The following COLGALT2 variants were observed in gnomAD, a reference collection of about 807,000 sequenced individuals.
COLGALT2 encodes collagen beta(1-O)galactosyltransferase 2.
COLGALT2 carries 49 observed loss-of-function variants against 73.4 expected under a neutral mutation model. The observed-to-expected ratio is 0.67, with a 90% CI of 0.53 to 0.85. The LOEUF is 0.85. Among genes scored for constraint, COLGALT2 ranks in the 40% least tolerant of loss-of-function variants. The pLI, the probability that COLGALT2 is intolerant of heterozygous loss-of-function variation, is 0.00. For missense variants in COLGALT2, 722 were observed against 790.2 expected, an observed-to-expected ratio of 0.91 and a Z score of 1.03; for synonymous variants, 295 against 307.6, an observed-to-expected ratio of 0.96 and a Z score of 0.43.
chr1:184,023,742 G>C (rs1418622451), intron 1 of COLGALT2, among the ~76,000 whole-genome samples: 1 of 151,722 alleles, frequency 6.6e-6, no homozygotes. Context: ...CCTGCAACAC[G>C]TACACTTATG....
intron 3 of COLGALT2, 120 bp downstream of exon 3, chr1:183,974,977 G>T: frequency 4.5e-6 from 3 of 668,640 alleles, no homozygotes; most frequent in South Asian, 2.2e-5. Flanking sequence ...TTAAAAAGTG[G>T]GGGAGGCACT....
intron 1 of COLGALT2, among the ~76,000 whole-genome samples, chr1:184,003,850 C>T (rs1398658489): frequency 6.6e-6 from 1 of 152,154 alleles, no homozygotes; most frequent in Non-Finnish European, 1.5e-5. Context: ...GGTCTGCCGG[C>T]TTCCACTAGT....
chr1:183,977,877 A>C (rs569919081), intron 2 of COLGALT2, among the ~76,000 whole-genome samples: 1 of 152,110 alleles, frequency 6.6e-6, no homozygotes, highest in Admixed American at 6.5e-5. Flanking sequence ...AAAGAAAAGA[A>C]GGAAAAGAAA....
intron 1 of COLGALT2, among the ~76,000 whole-genome samples, chr1:183,984,566 A>T (rs958768013): frequency 6.6e-6 from 1 of 152,064 alleles, no homozygotes; most frequent in Non-Finnish European, 1.5e-5. Flanking sequence ...CTTTTAGGGG[A>T]GCTGTGGCCC....
At chr1:184,007,806 C>T (rs777669328) in intron 1 of COLGALT2, among the ~76,000 whole-genome samples, 2 of 152,186 alleles carry the variant, frequency 1.3e-5, no homozygotes, top group African/African-American at 4.8e-5. Flanking sequence ...CTCTACCCTA[C>T]TGTTTTTCTT....
intron 5 of COLGALT2, among the ~76,000 whole-genome samples, chr1:183,966,270 G>T (rs1028252566): frequency 6.6e-6 from 1 of 152,198 alleles, no homozygotes; most frequent in African/African-American, 2.4e-5. Context: ...AGTGAATGCT[G>T]CTTCTGGGGA....
intron 8 of COLGALT2, among the ~76,000 whole-genome samples, chr1:183,946,967 C>T (rs1558310450): frequency 6.6e-6 from 1 of 152,152 alleles, no homozygotes; most frequent in South Asian, 2.1e-4. Context: ...GGAGCTGGAG[C>T]TTGCAGTGAG....
Position 184,037,164 on chromosome 1 carries a change from G to A in COLGALT2, c.194C>T (p.Ala65Val), listed in dbSNP as rs747085306. 6.9e-6 allele frequency: 11 copies of A among 1,603,286 alleles called. No homozygotes were observed. The South Asian group carries it at 1.2e-4, about 18-fold the overall frequency. Residue 65 changes from alanine (A) to valine (V), a missense_variant, in exon 1 of 12, where the codon GCG becomes GTG. Physicochemically the swap from Ala to Val is moderately conservative, Grantham distance 64. Coordinates refer to ENST00000361927, the MANE Select transcript of COLGALT2 (RefSeq NM_015101.4). ...VLVAVLARNA[A>V]HTLPHFLGCL... Reference sequence around the variant, plus strand: ...GCCGAGGAAGTGCGGCAGCGTGTGCGCCGCGTTGCGGGCGAGGACCGCCAC... The same window carrying A: ...GCCGAGGAAGTGCGGCAGCGTGTGCACCGCGTTGCGGGCGAGGACCGCCAC...
chr1:183,954,907 A>C lies in COLGALT2; in HGVS notation c.953-69T>G. On this transcript the variant is annotated intron_variant, in intron 6 of 11. Transcript: ENST00000361927. The stretch of plus-strand genomic sequence containing the variant: ...GGTCAGAAATCAGAATTCCATCCGC[A>C]TGCCTGATCTCTAGGGTTGGAATAT... The C allele has an allele frequency of 1.1e-5, 13 of 1,174,350 alleles. No individual in the cohort carries two copies. In the South Asian group the frequency reaches 1.5e-4, roughly 13 times the overall value. 72.7% of individuals were successfully genotyped at this position (1,174,350 alleles called of 1,614,324 possible).
intron 8 of COLGALT2, chr1:183,945,854 T>C (rs1189855725): frequency 1.1e-5 from 4 of 371,278 alleles, no homozygotes; most frequent in Non-Finnish European, 1.5e-5. Context: ...CTATGGAAAT[T>C]AGTTAAAGTA....
intron 1 of COLGALT2, among the ~76,000 whole-genome samples, chr1:183,991,101 G>A (rs545396543): frequency 1.8e-4 from 27 of 152,244 alleles, no homozygotes; most frequent in Non-Finnish European, 3.4e-4. Flanking sequence ...GGTTTTCTGC[G>A]AAAGGTGTGA....
In COLGALT2 at chr1:183,936,817, T is replaced by C. The variant is rs1260578068; in HGVS notation, c.*1944A>G. 1 of 1,231,692 alleles carries C rather than the reference T, an allele frequency of 8.1e-7. No individual in the cohort carries two copies. Among genetic ancestry groups the C allele is most frequent in the Non-Finnish European group, 1.0e-6 (1 of 987,964 alleles). The allele number at this position is 1,231,692 out of a possible 1,614,324, so 76.3% of individuals were successfully genotyped here. A position where few individuals can be genotyped will look rare whatever the true frequency, so the allele number is the denominator to read the frequency against. On this transcript the variant is annotated 3_prime_UTR_variant, in exon 12 of 12. Transcript: ENST00000361927. ...ACAATTTAGAGTTGGGTGAGTTCCC[T>C]TTCCTCCAGCGGCCTAGCTTGCTGG... is the stretch of plus-strand genomic sequence containing the variant.
chr1:183,976,760 G>A (rs553663211), intron 2 of COLGALT2, among the ~76,000 whole-genome samples: 2 of 152,192 alleles, frequency 1.3e-5, no homozygotes, highest in South Asian at 4.1e-4. Context: ...ATTGCATAGG[G>A]GGAAAATGTT....
intron 1 of COLGALT2, among the ~76,000 whole-genome samples, chr1:184,027,279 T>C (rs1458670164): frequency 6.6e-6 from 1 of 152,210 alleles, no homozygotes; most frequent in African/African-American, 2.4e-5. Flanking sequence ...GAAAATCCCA[T>C]GATCTGTACT....
rs1670183132 is a variant in COLGALT2, at chr1:183,944,024, C to T, written c.1397+172G>A. On this transcript the variant is annotated intron_variant, in intron 10 of 11. Coordinates refer to ENST00000361927, the MANE Select transcript of COLGALT2 (RefSeq NM_015101.4). Reference sequence around the variant, plus strand: ...CCTGAAGAGTAGAAGGATGCAAAATCCAGTGGCTAACCTCTACCCATTTTT... The same window carrying T: ...CCTGAAGAGTAGAAGGATGCAAAATTCAGTGGCTAACCTCTACCCATTTTT... 3.3e-5 allele frequency among the ~76,000 whole-genome samples: 5 copies of T among 152,192 alleles called. No individual in the cohort carries two copies. In the South Asian group the frequency reaches 1.0e-3, roughly 32 times the overall value.
At chr1:184,013,258 C>T (rs1033241953) in intron 1 of COLGALT2, among the ~76,000 whole-genome samples, 6 of 152,064 alleles carry the variant, frequency 3.9e-5, no homozygotes, top group East Asian at 1.9e-4. Context: ...GAGATTGCAG[C>T]GAGCCAAGAC....
At position 183,937,736 on chromosome 1, in the gene COLGALT2, G is replaced by A; in HGVS notation, c.*1025C>T. 1 of 985,340 alleles carries A rather than the reference G, an allele frequency of 1.0e-6. No homozygotes were observed. The highest frequency in any genetic ancestry group is 1.2e-6 in the Non-Finnish European group (1 of 829,902). The allele number at this position is 985,340 out of a possible 1,614,324, so 61.0% of individuals were successfully genotyped here. On this transcript the variant is annotated 3_prime_UTR_variant, in exon 12 of 12. Coordinates refer to ENST00000361927, the MANE Select transcript of COLGALT2 (RefSeq NM_015101.4). The stretch of plus-strand genomic sequence containing the variant: ...ATCTGTTTCTCTGCCTTATCCTAAA[G>A]ACAATATCTTCGCCCATTTTGTAAA...
chr1:184,034,226 C>T (rs1649601681), intron 1 of COLGALT2, among the ~76,000 whole-genome samples: 1 of 152,062 alleles, frequency 6.6e-6, no homozygotes, highest in Non-Finnish European at 1.5e-5. Flanking sequence ...GTCATTAGAC[C>T]TGCCACCCAC....
chr1:183,966,844 C>G (rs928114420), intron 5 of COLGALT2, among the ~76,000 whole-genome samples: 2 of 152,206 alleles, frequency 1.3e-5, no homozygotes, highest in African/African-American at 4.8e-5. Flanking sequence ...TGGCCAAGCC[C>G]TGCTCACCAG....
Sources: gnomAD v4.1 joint callset for allele counts (sites outside exome capture counted in the v4.1 genomes callset) on GRCh38, gnomAD v4.1.1 for gene constraint, MANE v1.5 for transcripts, NCBI Gene and HGNC (gene_info 2026-07-23, HGNC 2026-07-21) for gene names.